The following ITFG2 variants were observed in gnomAD, a reference collection of about 807,000 sequenced individuals.
The protein encoded by ITFG2 is KICSTOR complex protein ITFG2.
In ITFG2, 36 loss-of-function variants were observed where a neutral mutation model predicts 54.4. The observed-to-expected ratio is 0.66, with a 90% CI of 0.51 to 0.87. The LOEUF (loss-of-function observed/expected upper bound fraction) is 0.87, where lower values mean the gene tolerates loss of function less well. Ranked by LOEUF, ITFG2 falls within the 40% of genes least tolerant of loss-of-function variation. The pLI, the probability that ITFG2 is intolerant of heterozygous loss-of-function variation, is 0.00. For missense variants in ITFG2, 524 were observed against 576.7 expected (o/e 0.91, Z 0.94); for synonymous variants, 211 against 225.4 (o/e 0.94, Z 0.57).
At position 2,845,534 on chromosome 12, in the gene ITFG2, T is replaced by G. The variant is rs2098051333; in HGVS notation, n.300+4539T>G. Among the ~76,000 whole-genome samples, 1 of 150,210 alleles carries G rather than the reference T, an allele frequency of 6.7e-6. No homozygotes were observed. The highest frequency in any genetic ancestry group is 1.5e-5 in the Non-Finnish European group (1 of 67,616). On this transcript the variant is annotated intron_variant and non_coding_transcript_variant, in intron 2 of 3. Coordinates refer to the ITFG2 transcript ENST00000537710. The surrounding 1 kb of genome is among the most constrained non-coding windows in gnomAD (Gnocchi z 4.2). ...AAAGGGGGAGGTGGAGGGAGGGGAG[T>G]TTTTGGCCCGGAAATGGCTGGGAAG...
chr12:2,814,653 A>G (rs55896412), intron 1 of ITFG2, among the ~76,000 whole-genome samples: 28,049 of 151,928 alleles, frequency 0.18, 2,957 homozygotes, highest in South Asian at 0.35. Context: ...AACACAGGGA[A>G]ACTCCGTCTT....
At chr12:2,843,439 C>T (rs183218060) in intron 2 of ITFG2, among the ~76,000 whole-genome samples, 1 of 152,178 alleles carries the variant, frequency 6.6e-6, no homozygotes, top group African/African-American at 2.4e-5. Context: ...AACCAAGGCA[C>T]GAAGAGGTCA....
upstream of ITFG2, among the ~76,000 whole-genome samples, chr12:2,832,531 G>T (rs2098008723): frequency 6.6e-6 from 1 of 151,810 alleles, no homozygotes; most frequent in Non-Finnish European, 1.5e-5. Context: ...TTGAGATTCT[G>T]TGTACATCCT....
chr12:2,836,565 T>C (rs141721353), upstream of ITFG2, among the ~76,000 whole-genome samples: 117 of 152,286 alleles, frequency 7.7e-4, no homozygotes, highest in Middle Eastern at 3.4e-3. Flanking sequence ...CTAATCCCCA[T>C]TTAGAGGGAA....
chr12:2,833,309 A>G (rs1388175740), upstream of ITFG2, among the ~76,000 whole-genome samples: 1 of 152,004 alleles, frequency 6.6e-6, no homozygotes, highest in Non-Finnish European at 1.5e-5. Flanking sequence ...TCCCTGCTCC[A>G]TCCCTGTTTT....
intron 4 of ITFG2, chr12:2,818,651 G>A (rs1020001444): frequency 1.9e-5 from 5 of 264,618 alleles, no homozygotes; most frequent in Middle Eastern, 1.3e-3. Flanking sequence ...GTGGGACCCT[G>A]TCTCTATTTA....
chr12:2,820,270 G>A, intron 5 of ITFG2, 45 bp downstream of exon 5: 2 of 1,520,874 alleles, frequency 1.3e-6, no homozygotes, highest in Non-Finnish European at 1.8e-6. Context: ...GAGCTGGGAG[G>A]AAGGTCTCCT....
chr12:2,842,357 G>A (rs1303547137), intron 2 of ITFG2, among the ~76,000 whole-genome samples: 2 of 151,148 alleles, frequency 1.3e-5, no homozygotes, highest in African/African-American at 2.4e-5. Flanking sequence ...TCCTGATCTC[G>A]TAATCCACCC....
downstream of ITFG2, among the ~76,000 whole-genome samples, chr12:2,831,132 C>T (rs1489373918): frequency 1.3e-5 from 2 of 151,952 alleles, no homozygotes; most frequent in South Asian, 2.1e-4. Flanking sequence ...ACTTAGTAGC[C>T]GAAGGGACAT....
At chr12:2,830,649 A>T in intron 2 of ITFG2, 1 of 1,523,690 alleles carries the variant, frequency 6.6e-7, no homozygotes, top group Non-Finnish European at 8.9e-7. Flanking sequence ...AAAGGAGAGC[A>T]GGTGAAGTGA....
At chr12:2,859,458 G>A (rs751546437) in intron 3 of ITFG2, 1 of 1,613,912 alleles carries the variant, frequency 6.2e-7, no homozygotes, top group Non-Finnish European at 8.5e-7. Flanking sequence ...GAAAGATGGG[G>A]CCGGGGAGGG....
intron 2 of ITFG2, among the ~76,000 whole-genome samples, chr12:2,841,249 C>G (rs1241138604): frequency 6.6e-6 from 1 of 152,214 alleles, no homozygotes; most frequent in Non-Finnish European, 1.5e-5. Flanking sequence ...GGCATAGTGC[C>G]CATCCCACTG....
intron 2 of ITFG2, among the ~76,000 whole-genome samples, chr12:2,843,454 C>T (rs2098046148): frequency 6.6e-6 from 1 of 152,184 alleles, no homozygotes; most frequent in Admixed American, 6.6e-5. Context: ...AGGTCAAGTG[C>T]TTTGGCTCTG....
At chr12:2,823,987 A>T in intron 11 of ITFG2, 44 bp downstream of exon 11, 1 of 1,612,268 alleles carries the variant, frequency 6.2e-7, no homozygotes, top group Non-Finnish European at 8.5e-7. Flanking sequence ...CAGGAGACCC[A>T]CAGCATGCTG....
rs890922388 is a variant in ITFG2 at position 2,844,076 on chromosome 12, G to A, written n.300+3081G>A. On this transcript the variant is annotated intron_variant and non_coding_transcript_variant, in intron 2 of 3. Transcript: ENST00000537710. ...GGAGTTCAGCCTGGGCAAGCATGGC[G>A]AAACCCCATCTCTACTAAAAATACA... is the stretch of plus-strand genomic sequence containing the variant. Among the ~76,000 whole-genome samples the A allele has an allele frequency of 1.4e-4, 21 of 145,940 alleles. 5 individuals are homozygous for A. The East Asian group carries it at 3.7e-3, about 26-fold the overall frequency.
chr12:2,849,919 G>A (rs992439189), intron 2 of ITFG2, among the ~76,000 whole-genome samples: 1 of 152,186 alleles, frequency 6.6e-6, no homozygotes, highest in Admixed American at 6.5e-5. Flanking sequence ...CAGTAAGCCT[G>A]CGGTATTGGG....
intron 2 of ITFG2, among the ~76,000 whole-genome samples, chr12:2,855,849 G>A (rs756099507): frequency 3.0e-4 from 45 of 152,212 alleles, no homozygotes; most frequent in Non-Finnish European, 5.0e-4. Context: ...TGCCAAGGGG[G>A]GCAGCCCACC....
chr12:2,854,078 T>A (rs550872088), intron 2 of ITFG2, among the ~76,000 whole-genome samples: 2 of 152,138 alleles, frequency 1.3e-5, no homozygotes, highest in Non-Finnish European at 2.9e-5. Context: ...CCGGCTGGAG[T>A]GCAATGGCAC....
At chr12:2,821,931 C>CTT (rs375280127) in intron 9 of ITFG2, 139 bp downstream of exon 9, 493 of 515,792 alleles carry the variant, frequency 9.6e-4, no homozygotes, top group Non-Finnish European at 1.0e-3. Flanking sequence ...TTTTTTTTTC[C>CTT]TTTTTTTTTT....
Sources: gnomAD v4.1 joint callset for allele counts (sites outside exome capture counted in the v4.1 genomes callset) on GRCh38, gnomAD v4.1.1 for gene constraint, Gnocchi (gnomAD v3.1) non-coding constraint, MANE v1.5 for transcripts, NCBI Gene and HGNC (gene_info 2026-07-23, HGNC 2026-07-21) for gene names.